Variants in CPSF2 observed in about 807,000 individuals in gnomAD.
CPSF2 encodes the protein cleavage and polyadenylation specificity factor subunit 2.
In CPSF2, 51 loss-of-function variants were observed where a neutral mutation model predicts 84.2. The observed-to-expected ratio is 0.61, with a 90% CI of 0.48 to 0.77. The LOEUF (loss-of-function observed/expected upper bound fraction) is 0.77, where lower values mean the gene tolerates loss of function less well. Ranked by LOEUF, CPSF2 falls within the 30% of genes least tolerant of loss-of-function variation. The pLI, the probability that CPSF2 is intolerant of heterozygous loss-of-function variation, is 0.00. For synonymous variants in CPSF2, 286 were observed against 311.9 expected (o/e 0.92, Z 0.87); for missense variants, 641 against 929.4 (o/e 0.69, Z 4.03).
At position 92,121,984 on chromosome 14, in the gene CPSF2, C is replaced by A; in HGVS notation, c.-238C>A. The A allele has an allele frequency of 1.4e-6, 1 of 735,272 alleles. No homozygotes were observed. The highest frequency in any genetic ancestry group is 2.2e-6 in the Non-Finnish European group (1 of 449,060). The allele number at this position is 735,272 out of a possible 1,614,324, so 45.5% of individuals were successfully genotyped here. A position where few individuals can be genotyped will look rare whatever the true frequency, so the allele number is the denominator to read the frequency against. The stretch of plus-strand genomic sequence containing the variant: ...CGTCTCCGCCGCTAGTCTCCAGCTC[C>A]AAAATGGCGGCTGCCACTGTGGGGC... On this transcript the variant is annotated 5_prime_UTR_variant, in exon 1 of 16. Coordinates refer to ENST00000298875, the MANE Select transcript of CPSF2 (RefSeq NM_017437.3).
rs145773682 is a variant in CPSF2, at chr14:92,159,933, T to G, written c.2121+651T>G. ...CTGCTTCCAGTCAGGAGATTTATAG[T>G]TTTCTAAGAAAGTCATACTGTTTTT... is the stretch of plus-strand genomic sequence containing the variant. On this transcript the variant is annotated intron_variant, in intron 14 of 15. Coordinates refer to ENST00000298875, the MANE Select transcript of CPSF2 (RefSeq NM_017437.3). 5.5e-4 allele frequency among the ~76,000 whole-genome samples: 83 copies of G among 151,636 alleles called. 1 individual carries two copies. The East Asian group carries it at 0.016, about 29-fold the overall frequency.
intron 3 of CPSF2, among the ~76,000 whole-genome samples, chr14:92,133,329 G>A (rs1224204192): frequency 6.6e-6 from 1 of 152,014 alleles, no homozygotes. Flanking sequence ...TGAGGCAGGA[G>A]AATCGCTTGA....
At position 92,159,157 on chromosome 14, in the gene CPSF2, G is replaced by T; in HGVS notation, c.1996G>T (p.Ala666Ser). 1 of 1,614,026 alleles carries T rather than the reference G, an allele frequency of 6.2e-7. No individual in the cohort carries two copies. Residue 666 changes from alanine (A) to serine (S), a missense_variant, in exon 14 of 16, where the codon GCT (alanine) becomes TCT (serine). Physicochemically the swap from Ala to Ser is moderately conservative, Grantham distance 99. Around this residue, in one of 2 missense-constraint regions of CPSF2, gnomAD observed 430 missense variants for 553.6 expected, o/e 0.78. Transcript: ENST00000298875. ...AGAAGACTCAGAGATGCAAGTGGAA[G>T]CTCCCTCAGATTCTAGCGTTATAGC... ...DGEDSEMQVEAPSDSSVIAQQ... is the reference protein window; with the variant it reads ...DGEDSEMQVESPSDSSVIAQQ...
chr14:92,128,304 A>G (rs1179245048), intron 2 of CPSF2, among the ~76,000 whole-genome samples: 3 of 152,014 alleles, frequency 2.0e-5, no homozygotes. Flanking sequence ...TGTGGCCAAC[A>G]TGGTGAAACT....
chr14:92,143,782 T>G (rs1366784372), intron 9 of CPSF2, among the ~76,000 whole-genome samples: 2 of 152,072 alleles, frequency 1.3e-5, no homozygotes, highest in East Asian at 3.9e-4. Flanking sequence ...TTTTTTTATT[T>G]TTATTTTTTG....
At chr14:92,133,689 C>G (rs1320226967) in intron 3 of CPSF2, among the ~76,000 whole-genome samples, 4 of 149,472 alleles carry the variant, frequency 2.7e-5, no homozygotes, top group Non-Finnish European at 4.4e-5. Context: ...TGATCTTGAA[C>G]TCCTGAGCTC....
In CPSF2 at chr14:92,166,882, T is replaced by G. The variant is rs1434896426; in HGVS notation, c.*5138T>G. ...TACCACATGTCTTCATTACTGTAGC[T>G]TTGTAGTAACTTTTGAAATTGGGGA... On this transcript the variant is annotated 3_prime_UTR_variant, in exon 16 of 16. Coordinates refer to ENST00000298875, the MANE Select transcript of CPSF2 (RefSeq NM_017437.3). The G allele has an allele frequency of 6.6e-6, 1 of 152,228 alleles. No individual in the cohort carries two copies. The highest frequency in any genetic ancestry group is 1.5e-5 in the Non-Finnish European group (1 of 68,038). 9.4% of individuals were successfully genotyped at this position (152,228 alleles called of 1,614,324 possible). A position where few individuals can be genotyped will look rare whatever the true frequency, so the allele number is the denominator to read the frequency against.
rs748270471 is a variant in CPSF2 at position 92,167,333 on chromosome 14, C to T, written c.*5589C>T. ...AGCCTAAGATTCAGCTTACCAATTT[C>T]TGCAAAAAAGCCCACTCATTTTTAA... On this transcript the variant is annotated 3_prime_UTR_variant, in exon 16 of 16. Coordinates refer to ENST00000298875, the MANE Select transcript of CPSF2 (RefSeq NM_017437.3). 2.6e-5 allele frequency: 4 copies of T among 152,000 alleles called. No homozygotes were observed. Among genetic ancestry groups the T allele is most frequent in the African/African-American group, 4.8e-5 (2 of 41,376 alleles). 9.4% of individuals were successfully genotyped at this position (152,000 alleles called of 1,614,324 possible).
In CPSF2 at chr14:92,171,392, T is replaced by C. The variant is rs1475206183; in HGVS notation, c.*9648T>C. 7 of 152,214 alleles carry C rather than the reference T, an allele frequency of 4.6e-5. No homozygotes were observed. Among genetic ancestry groups the C allele is most frequent in the Non-Finnish European group, 1.0e-4 (7 of 68,056 alleles). 9.4% of individuals were successfully genotyped at this position (152,214 alleles called of 1,614,324 possible). A position where few individuals can be genotyped will look rare whatever the true frequency, so the allele number is the denominator to read the frequency against. On this transcript the variant is annotated 3_prime_UTR_variant, in exon 16 of 16. Transcript: ENST00000298875. ...TCCCTGTTTTATCATCTGTAAGTTA[T>C]GATTTATTTTGATGCCCCCATTGTC... is the stretch of plus-strand genomic sequence containing the variant.
intron 11 of CPSF2, among the ~76,000 whole-genome samples, 167 bp downstream of exon 11, chr14:92,155,490 A>G (rs575514913): frequency 2.0e-5 from 3 of 152,358 alleles, no homozygotes; most frequent in Admixed American, 1.3e-4. Flanking sequence ...AACTTGAAAC[A>G]TAAAAATAGA....
rs1406235817 is a variant in CPSF2, at chr14:92,157,076, T to C, written c.1595+445T>C. On this transcript the variant is annotated intron_variant, in intron 12 of 15. Coordinates refer to ENST00000298875, the MANE Select transcript of CPSF2 (RefSeq NM_017437.3). This position sits in a 1 kb window ranked among gnomAD's most constrained non-coding sequence, Gnocchi z 4.0. ...ATCTGAAGTAGTTAGAAACCTTTTT[T>C]CTCCCGCTTTCTACTTAGTTAAATA... Among the ~76,000 whole-genome samples the C allele has an allele frequency of 6.6e-6, 1 of 152,202 alleles. No homozygotes were observed. Among genetic ancestry groups the C allele is most frequent in the African/African-American group, 2.4e-5 (1 of 41,458 alleles).
At chr14:92,150,437 GT>G (rs1034671099) in intron 9 of CPSF2, among the ~76,000 whole-genome samples, 89 of 142,826 alleles carry the variant, frequency 6.2e-4, no homozygotes, top group East Asian at 1.0e-3. Flanking sequence ...TTGTGTGTGT[GT>G]TTTTTTTTTT....
Position 92,155,129 on chromosome 14 carries a change from T to TA in CPSF2, c.1249dup (p.Ile417AsnfsTer5). 6.2e-7 allele frequency: 1 copy of TA among 1,611,210 alleles called. No individual in the cohort carries two copies. Among genetic ancestry groups the TA allele is most frequent in the Non-Finnish European group, 8.5e-7 (1 of 1,177,414 alleles). On this transcript the variant is annotated frameshift_variant, in exon 11 of 16. Transcript: ENST00000298875. LOFTEE classifies it high-confidence loss of function. ...TATTCTAAAATCCTCCTAGGGCAGATATAGATTCCAGTGATGAGAGTGATA... is the reference window on the plus strand; with the variant it reads ...TATTCTAAAATCCTCCTAGGGCAGATAATAGATTCCAGTGATGAGAGTGATA...
At position 92,165,489 on chromosome 14, in the gene CPSF2, C is replaced by T; in HGVS notation, c.*3745C>T. 1 of 152,114 alleles carries T rather than the reference C, an allele frequency of 6.6e-6. No individual in the cohort carries two copies. The highest frequency in any genetic ancestry group is 1.5e-5 in the Non-Finnish European group (1 of 68,032). 9.4% of individuals were successfully genotyped at this position (152,114 alleles called of 1,614,324 possible). On this transcript the variant is annotated 3_prime_UTR_variant, in exon 16 of 16. Transcript: ENST00000298875. ...CATCATAGTGTGGGTGAAGAAGTGT[C>T]TCACTGAGGTTTTGATTTGCATTTC... is the stretch of plus-strand genomic sequence containing the variant.
In CPSF2 at chr14:92,131,012, C is replaced by G. The variant is rs770435353; in HGVS notation, c.28C>G (p.Leu10Val). ...GACGTCTATTATCAAATTAACTACC[C>G]TTTCTGGGGTCCAAGAAGAATCTGC... MTSIIKLTT[L>V]SGVQEESALC... Residue 10 changes from leucine to valine, a missense_variant, in exon 3 of 16, where the codon CTT becomes GTT. By Grantham distance (32) the Leu-to-Val change is conservative (BLOSUM62 1). Coordinates refer to ENST00000298875, the MANE Select transcript of CPSF2 (RefSeq NM_017437.3). 4 of 1,611,558 alleles carry G rather than the reference C, an allele frequency of 2.5e-6. No individual in the cohort carries two copies. Among genetic ancestry groups the G allele is most frequent in the South Asian group, 1.1e-5 (1 of 90,174 alleles).
At chr14:92,153,864 G>T (rs1304197545) in intron 9 of CPSF2, among the ~76,000 whole-genome samples, 1 of 145,822 alleles carries the variant, frequency 6.9e-6, no homozygotes. Context: ...CACCACTCCT[G>T]GCTTTTTTTT....
chr14:92,137,351 A>G (rs1682904630), intron 6 of CPSF2, among the ~76,000 whole-genome samples: 1 of 152,136 alleles, frequency 6.6e-6, no homozygotes, highest in African/African-American at 2.4e-5. Flanking sequence ...CTAGGACTAC[A>G]GGTGCGCTCT....
At chr14:92,136,906 G>A (rs563479871) in intron 6 of CPSF2, among the ~76,000 whole-genome samples, 10 of 152,160 alleles carry the variant, frequency 6.6e-5, no homozygotes, top group African/African-American at 2.4e-4. Flanking sequence ...ATATTGGTGA[G>A]TCTGATCTCT....
chr14:92,169,065 C>T lies in CPSF2; in HGVS notation c.*7321C>T, dbSNP rs900556890. 3 of 151,558 alleles carry T rather than the reference C, an allele frequency of 2.0e-5. No individual in the cohort carries two copies. In the South Asian group the frequency reaches 6.3e-4, roughly 32 times the overall value. 9.4% of individuals were successfully genotyped at this position (151,558 alleles called of 1,614,324 possible). The stretch of plus-strand genomic sequence containing the variant: ...ATATCCAATGTATCATAGGTGTTTT[C>T]TTTTTTCTCTGACAATTGTTATGTT... On this transcript the variant is annotated 3_prime_UTR_variant, in exon 16 of 16. Coordinates refer to ENST00000298875, the MANE Select transcript of CPSF2 (RefSeq NM_017437.3).
Sources: gnomAD v4.1 joint callset for allele counts (sites outside exome capture counted in the v4.1 genomes callset) on GRCh38, gnomAD v4.1.1 for gene constraint, gnomAD v4.1.1 regional missense constraint, Gnocchi (gnomAD v3.1) non-coding constraint, MANE v1.5 for transcripts, NCBI Gene and HGNC (gene_info 2026-07-23, HGNC 2026-07-21) for gene names.